PIGV: variants seen among roughly 807,000 people sequenced by gnomAD.
PIGV encodes the protein phosphatidylinositol glycan anchor biosynthesis class V.
A neutral mutation model predicts 39.2 loss-of-function variants in PIGV; 27 were observed. The observed-to-expected ratio is 0.69, with a 90% CI of 0.51 to 0.95. The LOEUF (loss-of-function observed/expected upper bound fraction) is 0.95, where lower values mean the gene tolerates loss of function less well. Ranked by LOEUF, PIGV falls within the 40% of genes least tolerant of loss-of-function variation. PIGV has a pLI of 0.00. For missense variants in PIGV, 523 were observed against 586.4 expected (o/e 0.89, Z 1.12); for synonymous variants, 232 against 241.7 (o/e 0.96, Z 0.37).
rs1027764031 is a variant in PIGV, at chr1:26,798,405, G to T, written c.*561G>T. ...AACTTCTTTCAGTTATACATGCAAT[G>T]AATTGCCTTTTTAAAAATAATACAG... On this transcript the variant is annotated 3_prime_UTR_variant, in exon 4 of 4. Coordinates refer to ENST00000674202, the MANE Select transcript of PIGV (RefSeq NM_017837.4). 6.4e-6 allele frequency: 1 copy of T among 155,754 alleles called. No homozygotes were observed. The highest frequency in any genetic ancestry group is 1.9e-4 in the East Asian group (1 of 5,238). 9.6% of individuals were successfully genotyped at this position (155,754 alleles called of 1,614,324 possible). A position where few individuals can be genotyped will look rare whatever the true frequency, so the allele number is the denominator to read the frequency against.
chr1:26,796,319 C>T (rs2081384013), intron 3 of PIGV, among the ~76,000 whole-genome samples: 1 of 152,050 alleles, frequency 6.6e-6, no homozygotes. Flanking sequence ...CAGGCACCTG[C>T]CACCATGCCT....
intron 3 of PIGV, among the ~76,000 whole-genome samples, chr1:26,795,709 CAAAAA>C (rs1005170504): frequency 5.0e-4 from 14 of 27,842 alleles, no homozygotes; most frequent in African/African-American, 1.1e-3. Flanking sequence ...GACTCTATCT[CAAAAA>C]AAAAAAAAAA....
rs387907023 is a variant in PIGV at position 26,794,501 on chromosome 1, G to A, written c.467G>A (p.Cys156Tyr). Residue 156 changes from cysteine to tyrosine, a missense_variant, in exon 3 of 4, where the codon TGT becomes TAT. Coordinates refer to ENST00000674202, the MANE Select transcript of PIGV (RefSeq NM_017837.4). ...HQSFYAALLF[C>Y]LSPANVFLAA... ...TCCTTTTATGCAGCTCTGCTTTTCT[G>A]TCTCAGCCCTGCCAATGTCTTCCTG... The A allele has an allele frequency of 1.2e-4, 201 of 1,614,084 alleles. No individual in the cohort carries two copies. The highest frequency in any genetic ancestry group is 1.7e-4 in the Non-Finnish European group (195 of 1,180,044).
Position 26,787,960 on chromosome 1 carries a change from G to GC in PIGV, c.-364dup, listed in dbSNP as rs1273453320. The GC allele has an allele frequency of 6.6e-6, 1 of 152,398 alleles. No homozygotes were observed. Among genetic ancestry groups the GC allele is most frequent in the Non-Finnish European group, 1.5e-5 (1 of 68,170 alleles). The allele number at this position is 152,398 out of a possible 1,614,324, so 9.4% of individuals were successfully genotyped here. On this transcript the variant is annotated 5_prime_UTR_variant, in exon 1 of 4. Transcript: ENST00000674202. Reference sequence around the variant, plus strand: ...CGGCGGAGCCAGCGCGCAGGCGCGGGCCGCGTGGGCCCCGGATGGAGGAGC... The same window carrying GC: ...CGGCGGAGCCAGCGCGCAGGCGCGGGCCCGCGTGGGCCCCGGATGGAGGAGC...
In PIGV at chr1:26,799,030, G is replaced by A. The variant is rs1037145766; in HGVS notation, c.*1186G>A. On this transcript the variant is annotated 3_prime_UTR_variant, in exon 4 of 4. Transcript: ENST00000674202. Reference sequence around the variant, plus strand: ...TGCCTTAAACAACAGAATCACCCCAGTCTAAATGCTAATGTAGAGGCTTAA... The same window carrying A: ...TGCCTTAAACAACAGAATCACCCCAATCTAAATGCTAATGTAGAGGCTTAA... 2.6e-5 allele frequency among the ~76,000 whole-genome samples: 4 copies of A among 152,298 alleles called. No individual in the cohort carries two copies. The South Asian group carries it at 6.2e-4, about 24-fold the overall frequency.
Position 26,797,772 on chromosome 1 carries a change from C to T in PIGV, c.1410C>T (p.Tyr470=). The T allele has an allele frequency of 6.2e-7, 1 of 1,613,930 alleles. No homozygotes were observed. Among genetic ancestry groups the T allele is most frequent in the Non-Finnish European group, 8.5e-7 (1 of 1,179,810 alleles). Residue 470 remains tyrosine, a synonymous_variant, in exon 4 of 4, where the codon TAC becomes TAT. Transcript: ENST00000674202. ...AAACCTGTTCTCCAGTCACACGATA[C>T]ATTCTAGGCTACTTCCTGACTTACT... ...HWKTCSPVTR[Y]ILGYFLTYWL...
At chr1:26,790,330 T>G (rs1293754701) in intron 1 of PIGV, among the ~76,000 whole-genome samples, 1 of 152,154 alleles carries the variant, frequency 6.6e-6, no homozygotes, top group African/African-American at 2.4e-5. Flanking sequence ...GAGTAGAACT[T>G]CACACTTTGG....
intron 3 of PIGV, among the ~76,000 whole-genome samples, chr1:26,795,538 T>C (rs987549264): frequency 2.6e-5 from 4 of 151,610 alleles, no homozygotes; most frequent in African/African-American, 7.3e-5. Flanking sequence ...TGTTGAAACC[T>C]TGTCTCTACT....
intron 3 of PIGV, among the ~76,000 whole-genome samples, chr1:26,795,663 T>C (rs1375830484): frequency 7.2e-6 from 1 of 139,492 alleles, no homozygotes; most frequent in African/African-American, 2.7e-5. Context: ...TGAGCTGACA[T>C]TGCACCACTG....
At position 26,794,890 on chromosome 1, in the gene PIGV, C is replaced by T. The variant is rs539783121; in HGVS notation, c.856C>T (p.Arg286Trp). 55 of 1,614,154 alleles carry T rather than the reference C, an allele frequency of 3.4e-5. No homozygotes were observed. The highest frequency in any genetic ancestry group is 8.3e-5 in the Admixed American group (5 of 60,030). ...ACAGTTAGCTGTAGACAAGGGCTAC[C>T]GGATTGCAGAGGGAAATGAACCGCC... The part of the protein sequence containing the change: ...LVQLAVDKGY[R>W]IAEGNEPPWC... Residue 286 changes from arginine (R) to tryptophan (W), a missense_variant, in exon 3 of 4, where the codon CGG becomes TGG. By Grantham distance (101) the Arg-to-Trp change is moderately radical. Coordinates refer to ENST00000674202, the MANE Select transcript of PIGV (RefSeq NM_017837.4).
intron 2 of PIGV, among the ~76,000 whole-genome samples, chr1:26,793,251 C>G (rs992609737): frequency 6.6e-6 from 1 of 152,204 alleles, no homozygotes; most frequent in African/African-American, 2.4e-5. Flanking sequence ...ACCTACTGCC[C>G]CATTTTTCTG....
upstream of PIGV, chr1:26,787,525 T>C (rs1197950407): frequency 1.3e-5 from 2 of 152,234 alleles, no homozygotes; most frequent in African/African-American, 2.4e-5. Context: ...AGAATGTTTT[T>C]CTTTGGCTAT....
intron 3 of PIGV, among the ~76,000 whole-genome samples, chr1:26,796,602 G>A (rs1377754452): frequency 2.0e-5 from 3 of 152,192 alleles, no homozygotes; most frequent in Non-Finnish European, 4.4e-5. Context: ...AAGCAGAGGA[G>A]GAACATTCTA....
At chr1:26,788,838 A>G (rs904719482) in intron 1 of PIGV, 47 of 152,328 alleles carry the variant, frequency 3.1e-4, no homozygotes, top group African/African-American at 1.1e-3. Flanking sequence ...CCTGCCAGTT[A>G]AGAGTCTGTG....
Position 26,800,004 on chromosome 1 carries a change from A to ATT in PIGV, c.*2161_*2162dup, listed in dbSNP as rs2081432927. On this transcript the variant is annotated 3_prime_UTR_variant, in exon 4 of 4. Coordinates refer to ENST00000674202, the MANE Select transcript of PIGV (RefSeq NM_017837.4). ...TCCTTTTGGGGGATAATCAGGACTG[A>ATT]TTATTCCTCTACTGGAAGAGGTGAC... Among the ~76,000 whole-genome samples the ATT allele has an allele frequency of 6.6e-6, 1 of 152,060 alleles. No individual in the cohort carries two copies. The highest frequency in any genetic ancestry group is 2.1e-4 in the South Asian group (1 of 4,828).
rs1045968887 is a variant in PIGV, at chr1:26,798,639, G to C, written c.*795G>C. On this transcript the variant is annotated 3_prime_UTR_variant, in exon 4 of 4. Coordinates refer to ENST00000674202, the MANE Select transcript of PIGV (RefSeq NM_017837.4). ...TGAGAATTGCTTGAACTTGGAAGGC[G>C]GAGGTTTCAGTGAGCTGAGTTTGCG... is the stretch of plus-strand genomic sequence containing the variant. Among the ~76,000 whole-genome samples the C allele has an allele frequency of 6.6e-6, 1 of 152,236 alleles. No individual in the cohort carries two copies. The highest frequency in any genetic ancestry group is 2.4e-5 in the African/African-American group (1 of 41,460).
At chr1:26,792,376 G>A (rs1338467038) in intron 2 of PIGV, among the ~76,000 whole-genome samples, 2 of 149,926 alleles carry the variant, frequency 1.3e-5, no homozygotes, top group African/African-American at 2.5e-5. Flanking sequence ...GCCGGACTGC[G>A]GACTGCAGTG....
Position 26,791,313 on chromosome 1 carries a change from C to T in PIGV, c.78+420C>T, listed in dbSNP as rs3768334. 1.6e-3 allele frequency among the ~76,000 whole-genome samples: 248 copies of T among 152,226 alleles called. 10 individuals are homozygous for T. In the East Asian group the frequency reaches 0.039, roughly 24 times the overall value. On this transcript the variant is annotated intron_variant, in intron 2 of 3. Coordinates refer to ENST00000674202, the MANE Select transcript of PIGV (RefSeq NM_017837.4). ...CATTGTGTCAGTTGAGTGGGAGAAA[C>T]GTGGCAATGTGCAAGTCCTAAAACC...
rs770220740 is a variant in PIGV, at chr1:26,797,767, C to G, written c.1405C>G (p.Arg469Gly). Reference protein sequence around the residue: ...YHWKTCSPVTRYILGYFLTYW... With the variant: ...YHWKTCSPVTGYILGYFLTYW... ...CTGGAAAACCTGTTCTCCAGTCACA[C>G]GATACATTCTAGGCTACTTCCTGAC... Residue 469 changes from arginine to glycine, a missense_variant, in exon 4 of 4, where the codon CGA becomes GGA. Transcript: ENST00000674202. 3.7e-6 allele frequency: 6 copies of G among 1,613,696 alleles called. No individual in the cohort carries two copies. The Admixed American group carries it at 5.0e-5, about 13-fold the overall frequency.
Sources: gnomAD v4.1 joint callset for allele counts (sites outside exome capture counted in the v4.1 genomes callset) on GRCh38, gnomAD v4.1.1 for gene constraint, MANE v1.5 for transcripts, NCBI Gene and HGNC (gene_info 2026-07-23, HGNC 2026-07-21) for gene names.